ADAMTS18: variants seen among roughly 807,000 people sequenced by gnomAD.
ADAMTS18 encodes the protein ADAM metallopeptidase with thrombospondin type 1 motif 18.
ADAMTS18 carries 157 observed loss-of-function variants against 165.9 expected under a neutral mutation model. That is an observed-to-expected ratio of 0.95 (90% confidence interval 0.83 to 1.08). The LOEUF is 1.08. ADAMTS18 is among the 50% of genes least tolerant of loss of function. ADAMTS18 has a pLI of 0.00. For synonymous variants in ADAMTS18, 782 were observed against 578.2 expected (o/e 1.35, Z -5.06); for missense variants, 2,040 against 1,534.0 (o/e 1.33, Z -5.51).
At chr16:77,363,184 A>C (rs1429712569) in intron 6 of ADAMTS18, among the ~76,000 whole-genome samples, 1 of 152,222 alleles carries the variant, frequency 6.6e-6, no homozygotes, top group African/African-American at 2.4e-5. Context: ...AGTGAGTACC[A>C]TGTAATTTAA....
chr16:77,285,016 G>A (rs933492829), intron 22 of ADAMTS18, among the ~76,000 whole-genome samples: 3 of 152,148 alleles, frequency 2.0e-5, no homozygotes, highest in Non-Finnish European at 2.9e-5. Flanking sequence ...GTCAACACCA[G>A]TCCTTTCTAA....
chr16:77,282,678 T>C lies in ADAMTS18; in HGVS notation c.*1278A>G, dbSNP rs980033731. On this transcript the variant is annotated 3_prime_UTR_variant, in exon 23 of 23. Coordinates refer to ENST00000282849, the MANE Select transcript of ADAMTS18 (RefSeq NM_199355.4). ...CCCTTTATAACCACTTCTCAAAAAA[T>C]TACAGGAGGACACAGTATTATAATT... 6.6e-6 allele frequency: 1 copy of C among 152,546 alleles called. No individual in the cohort carries two copies. The highest frequency in any genetic ancestry group is 2.4e-5 in the African/African-American group (1 of 41,418). 9.4% of individuals were successfully genotyped at this position (152,546 alleles called of 1,614,324 possible). A position where few individuals can be genotyped will look rare whatever the true frequency, so the allele number is the denominator to read the frequency against.
chr16:77,424,786 A>C (rs1465678411), intron 3 of ADAMTS18, among the ~76,000 whole-genome samples: 1 of 152,226 alleles, frequency 6.6e-6, no homozygotes, highest in Non-Finnish European at 1.5e-5. Context: ...GTCTCACAAA[A>C]CACATAAATA....
At chr16:77,363,968 C>T (rs1024762131) in intron 5 of ADAMTS18, 83 bp from the exon 6 acceptor site, 48 of 1,373,864 alleles carry the variant, frequency 3.5e-5, no homozygotes, top group South Asian at 2.2e-4. Flanking sequence ...GACTGAAGTA[C>T]GCAGGCTTTA....
At chr16:77,409,357 C>A (rs2057432037) in intron 3 of ADAMTS18, among the ~76,000 whole-genome samples, 1 of 152,052 alleles carries the variant, frequency 6.6e-6, no homozygotes, top group Admixed American at 6.6e-5. Flanking sequence ...AAGCCTTGTC[C>A]TACGAAACAG....
At chr16:77,400,460 GTGTGTGT>G in intron 3 of ADAMTS18, among the ~76,000 whole-genome samples, 1 of 135,334 alleles carries the variant, frequency 7.4e-6, no homozygotes. Flanking sequence ...GTGTGTCTGT[GTGTGTGT>G]GTGTGTGTGT....
In ADAMTS18 at chr16:77,319,921, T is replaced by C. The variant is rs558873919; in HGVS notation, c.2460A>G (p.Glu820=). 4.8e-5 allele frequency: 78 copies of C among 1,614,188 alleles called. 2 individuals are homozygous for C. The South Asian group carries it at 8.3e-4, about 17-fold the overall frequency. ...CCGGGCGGTTGAAAGAGCGCTGGTA[T>C]TCAAACGTGGTCCCAGCGAAGGGGA... ...GEFPFAGTTF[E]YQRSFNRPER... The change falls in exon 16 of 23, where the codon GAA becomes GAG. Residue 820 remains glutamate (E), a synonymous_variant. Coordinates refer to ENST00000282849, the MANE Select transcript of ADAMTS18 (RefSeq NM_199355.4).
chr16:77,368,280 C>A (rs1261179931), intron 3 of ADAMTS18, among the ~76,000 whole-genome samples: 1 of 152,142 alleles, frequency 6.6e-6, no homozygotes, highest in Admixed American at 6.6e-5. Flanking sequence ...ACTGGGCTGC[C>A]AGCCCTGATG....
intron 3 of ADAMTS18, among the ~76,000 whole-genome samples, chr16:77,393,407 C>G (rs907960709): frequency 6.6e-6 from 1 of 152,176 alleles, no homozygotes. Context: ...GGACAGGGTT[C>G]TAAACCCTGA....
chr16:77,344,236 A>T (rs1017235930), intron 10 of ADAMTS18, among the ~76,000 whole-genome samples: 6 of 151,328 alleles, frequency 4.0e-5, no homozygotes, highest in African/African-American at 1.5e-4. Context: ...AGGAGAATGG[A>T]AGAATATTGA....
At chr16:77,376,809 CTTTTTTTTTT>C (rs549942617) in intron 3 of ADAMTS18, among the ~76,000 whole-genome samples, 1 of 103,484 alleles carries the variant, frequency 9.7e-6, no homozygotes, top group South Asian at 3.5e-4. Flanking sequence ...CTAAATCATT[CTTTTTTTTTT>C]TTTTTTTTTT....
chr16:77,363,147 A>C (rs1032572155), intron 6 of ADAMTS18, among the ~76,000 whole-genome samples: 2 of 152,238 alleles, frequency 1.3e-5, no homozygotes, highest in African/African-American at 4.8e-5. Context: ...AGAGAAACAG[A>C]GTTTAAACAT....
intron 3 of ADAMTS18, among the ~76,000 whole-genome samples, chr16:77,393,477 T>G (rs1055057826): frequency 6.6e-6 from 1 of 152,194 alleles, no homozygotes; most frequent in African/African-American, 2.4e-5. Flanking sequence ...CATTCACATG[T>G]TGAAACCCAA....
At chr16:77,361,254 A>G (rs551206514) in intron 7 of ADAMTS18, among the ~76,000 whole-genome samples, 1 of 152,312 alleles carries the variant, frequency 6.6e-6, no homozygotes, top group Non-Finnish European at 1.5e-5. Flanking sequence ...TCACAGAGAA[A>G]GTTTGCTGAC....
chr16:77,341,856 T>C (rs2056403730), intron 10 of ADAMTS18, 57 bp from the exon 11 acceptor site: 2 of 1,229,116 alleles, frequency 1.6e-6, no homozygotes, highest in African/African-American at 1.5e-5. Context: ...AAAACAAAAA[T>C]ATTCAAAGAT....
chr16:77,407,354 T>G (rs1231142173), intron 3 of ADAMTS18, among the ~76,000 whole-genome samples: 2 of 152,116 alleles, frequency 1.3e-5, no homozygotes, highest in African/African-American at 4.8e-5. Context: ...CCAAATTAGA[T>G]GTACCATGTT....
Position 77,297,190 on chromosome 16 carries a change from T to G in ADAMTS18, c.2801+99A>C, listed in dbSNP as rs145336720. The G allele has an allele frequency of 1.3e-4, 191 of 1,516,358 alleles. No homozygotes were observed. In the African/African-American group the frequency reaches 2.1e-3, roughly 17 times the overall value. The allele number at this position is 1,516,358 out of a possible 1,614,324, so 93.9% of individuals were successfully genotyped here. The stretch of plus-strand genomic sequence containing the variant: ...TATTGCGTCTACCTTTGAATCACTT[T>G]CCATTAGCAGTATTCACAGTGAGCT... On this transcript the variant is annotated intron_variant, in intron 18 of 22. Coordinates refer to ENST00000282849, the MANE Select transcript of ADAMTS18 (RefSeq NM_199355.4).
intron 20 of ADAMTS18, among the ~76,000 whole-genome samples, chr16:77,292,714 G>C (rs559899385): frequency 2.0e-5 from 3 of 152,336 alleles, no homozygotes; most frequent in African/African-American, 7.2e-5. Flanking sequence ...AAGAAATCAG[G>C]AGAGAACTGG....
chr16:77,373,249 G>T (rs1227199172), intron 3 of ADAMTS18, among the ~76,000 whole-genome samples: 1 of 151,954 alleles, frequency 6.6e-6, no homozygotes, highest in Non-Finnish European at 1.5e-5. Flanking sequence ...CCAGCACTTT[G>T]GGAGGCTGAG....
Sources: gnomAD v4.1 joint callset for allele counts (sites outside exome capture counted in the v4.1 genomes callset) on GRCh38, gnomAD v4.1.1 for gene constraint, MANE v1.5 for transcripts, NCBI Gene and HGNC (gene_info 2026-07-23, HGNC 2026-07-21) for gene names.